The following NCAM1 variants were observed in gnomAD, a reference collection of about 807,000 sequenced individuals.
The protein encoded by NCAM1 is antigen recognized by monoclonal antibody 5.1H11.
In NCAM1, 14 loss-of-function variants were observed where a neutral mutation model predicts 109.8. That is an observed-to-expected ratio of 0.13 (90% CI 0.08 to 0.20). The LOEUF (loss-of-function observed/expected upper bound fraction) is 0.20, where lower values mean the gene tolerates loss of function less well. Ranked by LOEUF, NCAM1 falls within the 10% of genes least tolerant of loss-of-function variation. The pLI is 1.00. For missense variants in NCAM1, 774 were observed against 1,109.9 expected, an observed-to-expected ratio of 0.70 and a Z score of 4.30; for synonymous variants, 418 against 442.9, an observed-to-expected ratio of 0.94 and a Z score of 0.70.
intron 17 of NCAM1, among the ~76,000 whole-genome samples, chr11:113,267,582 A>ACTGGGAGCTGGCAGAACTGGAAGGGCT (rs1946159747): frequency 6.6e-6 from 1 of 152,186 alleles, no homozygotes; most frequent in African/African-American, 2.4e-5. Flanking sequence ...AGCAGGCAGA[A>ACTGGGAGCTGGCAGAACTGGAAGGGCT]GGGAGGCTGC....
intron 1 of NCAM1, among the ~76,000 whole-genome samples, chr11:113,137,924 A>C (rs1221387491): frequency 6.6e-6 from 1 of 152,216 alleles, no homozygotes; most frequent in Non-Finnish European, 1.5e-5. Context: ...GGGAGGGGCA[A>C]GACAGAAATG....
At chr11:113,187,857 C>T (rs543841439) in intron 1 of NCAM1, among the ~76,000 whole-genome samples, 148 of 152,252 alleles carry the variant, frequency 9.7e-4, no homozygotes, top group African/African-American at 3.5e-3. Context: ...CTTTAGCAGA[C>T]TTGGTTGTCA....
At chr11:112,967,157 G>C (rs117147270) in intron 1 of NCAM1, among the ~76,000 whole-genome samples, 1 of 152,078 alleles carries the variant, frequency 6.6e-6, no homozygotes, top group African/African-American at 2.4e-5. Flanking sequence ...CTGATCTTCC[G>C]TTTTCTATTT....
intron 7 of NCAM1, among the ~76,000 whole-genome samples, chr11:113,210,180 T>G (rs782675636): frequency 2.6e-5 from 4 of 152,186 alleles, no homozygotes; most frequent in Non-Finnish European, 5.9e-5. Flanking sequence ...TATTTTAGAC[T>G]TTAACTCCAT....
At chr11:113,182,761 C>T (rs542541393) in intron 1 of NCAM1, among the ~76,000 whole-genome samples, 6 of 152,276 alleles carry the variant, frequency 3.9e-5, no homozygotes, top group South Asian at 4.1e-4. Context: ...GCAGAGCCCC[C>T]GACTGGGGAG....
chr11:113,192,124 G>A (rs1302424404), intron 1 of NCAM1, among the ~76,000 whole-genome samples: 1 of 152,236 alleles, frequency 6.6e-6, no homozygotes, highest in Non-Finnish European at 1.5e-5. Context: ...CCTTGTATCA[G>A]TACCTTTTTA....
intron 8 of NCAM1, among the ~76,000 whole-genome samples, chr11:113,220,602 C>CTTTTTTTTTTTTTTTTTTTTT (rs1175342641): frequency 1.3e-5 from 1 of 75,592 alleles, no homozygotes; most frequent in Non-Finnish European, 2.4e-5. Flanking sequence ...CTCTCTCTCT[C>CTTTTTTTTTTTTTTTTTTTTT]TTTTTTTTTT....
chr11:112,975,732 C>G (rs1257993091), intron 1 of NCAM1, among the ~76,000 whole-genome samples: 1 of 151,918 alleles, frequency 6.6e-6, no homozygotes, highest in African/African-American at 2.4e-5. Flanking sequence ...TCATTTTGAA[C>G]TAAATTGGCT....
chr11:113,224,255 G>A (rs769859943), intron 9 of NCAM1, among the ~76,000 whole-genome samples: 10 of 152,222 alleles, frequency 6.6e-5, no homozygotes, highest in Non-Finnish European at 1.3e-4. Context: ...TTTTCCGATG[G>A]TCTTAGCAAA....
intron 1 of NCAM1, among the ~76,000 whole-genome samples, chr11:113,111,207 C>G (rs1229151170): frequency 3.3e-5 from 5 of 152,128 alleles, no homozygotes; most frequent in African/African-American, 1.2e-4. Flanking sequence ...TTAAACAAAG[C>G]ATTTGTTTTC....
intron 1 of NCAM1, among the ~76,000 whole-genome samples, chr11:113,176,431 A>G (rs1199288355): frequency 6.6e-6 from 1 of 152,222 alleles, no homozygotes; most frequent in East Asian, 1.9e-4. Flanking sequence ...GATGCTAGGT[A>G]TTCTAGAGCC....
At chr11:113,047,436 A>G (rs1953309091) in intron 1 of NCAM1, among the ~76,000 whole-genome samples, 1 of 152,218 alleles carries the variant, frequency 6.6e-6, no homozygotes, top group African/African-American at 2.4e-5. Flanking sequence ...AAATAACAGA[A>G]AATAAAGCCT....
At chr11:113,115,179 C>A (rs782210890) in intron 1 of NCAM1, among the ~76,000 whole-genome samples, 1 of 152,140 alleles carries the variant, frequency 6.6e-6, no homozygotes, top group South Asian at 2.1e-4. Context: ...ATTGCCCCAC[C>A]AACCAGCTGA....
At chr11:113,142,774 G>A (rs901739067) in intron 1 of NCAM1, among the ~76,000 whole-genome samples, 18 of 152,154 alleles carry the variant, frequency 1.2e-4, no homozygotes, top group African/African-American at 4.1e-4. Context: ...TCTGGCGGGT[G>A]TGTATAAACC....
intron 1 of NCAM1, chr11:112,977,384 C>A (rs1951035181): frequency 6.6e-6 from 1 of 151,788 alleles, no homozygotes; most frequent in East Asian, 1.9e-4. Context: ...ATTTGTCTAG[C>A]AGATTTTCTG....
chr11:113,118,374 A>T (rs759514765), intron 1 of NCAM1, among the ~76,000 whole-genome samples: 6 of 151,882 alleles, frequency 4.0e-5, no homozygotes, highest in African/African-American at 1.5e-4. Flanking sequence ...CCTACTAATG[A>T]TATCTCAGAA....
chr11:113,101,827 C>G (rs570959845), intron 1 of NCAM1, among the ~76,000 whole-genome samples: 1 of 152,298 alleles, frequency 6.6e-6, no homozygotes, highest in African/African-American at 2.4e-5. Context: ...TATAACTTAA[C>G]AAATTTGGCC....
At chr11:113,055,601 T>C (rs1193698068) in intron 1 of NCAM1, among the ~76,000 whole-genome samples, 1 of 152,176 alleles carries the variant, frequency 6.6e-6, no homozygotes, top group Middle Eastern at 3.2e-3. Context: ...GTAGCCTTTC[T>C]GGTGTGGACC....
chr11:113,031,525 C>G (rs1398687439), intron 1 of NCAM1, among the ~76,000 whole-genome samples: 1 of 151,986 alleles, frequency 6.6e-6, no homozygotes, highest in Non-Finnish European at 1.5e-5. Context: ...AACCCCTGCT[C>G]CACTAAAAAT....
Sources: allele counts gnomAD v4.1 joint callset (sites outside exome capture counted in the v4.1 genomes callset), GRCh38; gene constraint gnomAD v4.1.1; transcripts MANE v1.5; gene names NCBI Gene and HGNC (gene_info 2026-07-23, HGNC 2026-07-21).